The following RP2 variants were observed in gnomAD, a reference collection of about 807,000 sequenced individuals.
RP2 encodes the protein protein XRP2.
Under a neutral mutation model 20.3 loss-of-function variants are expected in RP2, and 3 were observed. The ratio of observed to expected loss-of-function variants is 0.15; its 90% confidence interval spans 0.07 to 0.38. The LOEUF (loss-of-function observed/expected upper bound fraction) is 0.38, where lower values mean the gene tolerates loss of function less well. Among genes scored for constraint, RP2 ranks in the 10% least tolerant of loss-of-function variants. The probability of loss-of-function intolerance (pLI) is 1.00; values close to 1 mark genes in which losing one functional copy is unlikely to be tolerated. For missense variants in RP2, 233 were observed against 268.5 expected, an observed-to-expected ratio of 0.87 and a Z score of 0.92; for synonymous variants, 75 against 94.8, an observed-to-expected ratio of 0.79 and a Z score of 1.22.
intron 3 of RP2, among the ~76,000 whole-genome samples, chrX:46,867,069 C>T (rs1556322762): frequency 1.8e-5 from 2 of 111,755 alleles, no homozygotes; most frequent in Non-Finnish European, 3.8e-5. Flanking sequence ...AGTCTTCTTG[C>T]TAGGTGACTC....
At chrX:46,864,975 T>G (rs1404563413) in intron 3 of RP2, among the ~76,000 whole-genome samples, 1 of 112,106 alleles carries the variant, frequency 8.9e-6, no homozygotes, top group African/African-American at 3.2e-5. Flanking sequence ...TACTGGACAT[T>G]TGTGGGCTTT....
chrX:46,878,237 C>T (rs1045747803), intron 4 of RP2, among the ~76,000 whole-genome samples: 74 of 109,295 alleles, frequency 6.8e-4, no homozygotes, highest in African/African-American at 2.3e-3. Context: ...ATTAGCCGGG[C>T]GTAGTGGCGG....
At chrX:46,855,153 C>T (rs5952966) in intron 2 of RP2, among the ~76,000 whole-genome samples, 10,732 of 110,441 alleles carry the variant, frequency 0.097, 556 homozygotes, top group Middle Eastern at 0.16. Context: ...CCTTTATTGC[C>T]ATAGAAGGGA....
chrX:46,838,176 C>T (rs782733070), intron 1 of RP2, among the ~76,000 whole-genome samples: 40 of 112,287 alleles, frequency 3.6e-4, no homozygotes, highest in Admixed American at 3.3e-3. Flanking sequence ...AATGTATTAA[C>T]GTTTTGGAAT....
chrX:46,840,270 G>A (rs937759503), intron 1 of RP2, among the ~76,000 whole-genome samples: 10 of 112,324 alleles, frequency 8.9e-5, no homozygotes, highest in Non-Finnish European at 1.5e-4. Context: ...GTGAGCCACC[G>A]CTCCCAGCCC....
rs782024732 is a variant in RP2, at chrX:46,837,719, A to G, written c.102+517A>G. Reference sequence around the variant, plus strand: ...TCTTTGGTGCCTCATGATATATTTCACTGCTGAATTTTCTCAATTACCAAG... The same window carrying G: ...TCTTTGGTGCCTCATGATATATTTCGCTGCTGAATTTTCTCAATTACCAAG... On this transcript the variant is annotated intron_variant, in intron 1 of 4. Coordinates refer to ENST00000218340, the MANE Select transcript of RP2 (RefSeq NM_006915.3). Among the ~76,000 whole-genome samples the G allele has an allele frequency of 9.2e-4, 102 of 111,341 alleles. 1 individual carries two copies. Among genetic ancestry groups the G allele is most frequent in the Non-Finnish European group, 1.8e-3 (93 of 53,036 alleles).
intron 1 of RP2, among the ~76,000 whole-genome samples, chrX:46,842,829 T>C: frequency 9.0e-6 from 1 of 111,450 alleles, no homozygotes; most frequent in Admixed American, 9.6e-5. Context: ...ATATACCACA[T>C]TTTATTTATC....
chrX:46,840,920 A>G (rs990619115), intron 1 of RP2, among the ~76,000 whole-genome samples: 2 of 112,539 alleles, frequency 1.8e-5, no homozygotes, highest in Non-Finnish European at 1.9e-5. Flanking sequence ...CTAAACAAAA[A>G]TCTTATACCA....
intron 2 of RP2, among the ~76,000 whole-genome samples, chrX:46,858,552 C>G (rs1925008719): frequency 1.8e-5 from 2 of 110,199 alleles, no homozygotes; most frequent in South Asian, 7.7e-4. Flanking sequence ...CTCAGTGTAG[C>G]CTCTAACTCC....
At chrX:46,849,364 T>C (rs2046717493) in intron 1 of RP2, among the ~76,000 whole-genome samples, 2 of 109,473 alleles carry the variant, frequency 1.8e-5, no homozygotes, top group African/African-American at 3.3e-5. Context: ...CTAAGGGTTT[T>C]TGTGTTTTTT....
At position 46,880,786 on chromosome X, in the gene RP2, C is replaced by T. The variant is rs1011371715; in HGVS notation, c.*1017C>T. ...AAATCTACCTGATCATAATAATTTA[C>T]CAGGAAGCAGAGGAGAGCTACTTGT... is the stretch of plus-strand genomic sequence containing the variant. On this transcript the variant is annotated 3_prime_UTR_variant, in exon 5 of 5. Coordinates refer to ENST00000218340, the MANE Select transcript of RP2 (RefSeq NM_006915.3). The T allele has an allele frequency of 8.9e-6, 1 of 111,984 alleles. No homozygotes were observed. The highest frequency in any genetic ancestry group is 3.6e-4 in the South Asian group (1 of 2,754). The allele number at this position is 111,984 out of a possible 1,213,427, so 9.2% of individuals were successfully genotyped here. A position where few individuals can be genotyped will look rare whatever the true frequency, so the allele number is the denominator to read the frequency against.
chrX:46,872,427 CTT>C (rs1261133318), intron 3 of RP2, among the ~76,000 whole-genome samples: 2 of 111,859 alleles, frequency 1.8e-5, no homozygotes, highest in African/African-American at 6.5e-5. Flanking sequence ...CTTATTACCT[CTT>C]TTTCTTTTTA....
chrX:46,858,475 T>C (rs1251280661), intron 2 of RP2, among the ~76,000 whole-genome samples: 1 of 100,421 alleles, frequency 1.0e-5, no homozygotes, highest in Non-Finnish European at 2.0e-5. Context: ...TATGACTACA[T>C]TTTTTTTTTT....
chrX:46,847,790 G>GTGTGTGTGTATATATATACACACATATA (rs1924773695), intron 1 of RP2, among the ~76,000 whole-genome samples: 2 of 80,072 alleles, frequency 2.5e-5, no homozygotes, highest in African/African-American at 5.6e-5. Flanking sequence ...ATACACACAT[G>GTGTGTGTGTATATATATACACACATATA]TGTGTGTGTA....
intron 1 of RP2, among the ~76,000 whole-genome samples, chrX:46,840,269 C>T (rs782719885): frequency 2.7e-5 from 3 of 112,453 alleles, no homozygotes; most frequent in East Asian, 2.8e-4. Context: ...CGTGAGCCAC[C>T]GCTCCCAGCC....
chrX:46,842,930 T>C (rs1167355365), intron 1 of RP2, among the ~76,000 whole-genome samples: 7 of 111,467 alleles, frequency 6.3e-5, no homozygotes, highest in African/African-American at 2.3e-4. Context: ...AGTTTTTGTC[T>C]GGACATGTTT....
intron 1 of RP2, among the ~76,000 whole-genome samples, chrX:46,840,743 C>T (rs1457172385): frequency 7.2e-5 from 8 of 111,591 alleles, no homozygotes; most frequent in African/African-American, 1.6e-4. Context: ...AAGAGTGATA[C>T]GGAAAAGTAG....
At chrX:46,844,578 T>C (rs1444879054) in intron 1 of RP2, among the ~76,000 whole-genome samples, 1 of 111,525 alleles carries the variant, frequency 9.0e-6, no homozygotes, top group African/African-American at 3.3e-5. Context: ...CAGTCTATCA[T>C]TGATGGACAT....
At chrX:46,867,181 A>C (rs949927778) in intron 3 of RP2, among the ~76,000 whole-genome samples, 3 of 110,383 alleles carry the variant, frequency 2.7e-5, no homozygotes, top group African/African-American at 9.9e-5. Context: ...GCTCACTGCA[A>C]CCTCCACCTC....
Sources: gnomAD v4.1 joint callset for allele counts (sites outside exome capture counted in the v4.1 genomes callset) on GRCh38, gnomAD v4.1.1 for gene constraint, MANE v1.5 for transcripts, NCBI Gene and HGNC (gene_info 2026-07-23, HGNC 2026-07-21) for gene names.